CHD1: variants seen among roughly 807,000 people sequenced by gnomAD.
The protein encoded by CHD1 is ATP-dependent chromatin remodeler CHD1.
In CHD1, 36 loss-of-function variants were observed where a neutral mutation model predicts 224.2. That is an observed-to-expected ratio of 0.16 (90% CI 0.12 to 0.21). The LOEUF (loss-of-function observed/expected upper bound fraction) is 0.21. Among genes scored for constraint, CHD1 ranks in the 10% least tolerant of loss-of-function variants. The pLI is 1.00. For missense variants in CHD1, 1,378 were observed against 1,994.8 expected, an observed-to-expected ratio of 0.69 and a Z score of 5.89; for synonymous variants, 668 against 658.3, an observed-to-expected ratio of 1.01 and a Z score of -0.23.
At chr5:98,866,259 G>A (rs1438822155) in intron 31 of CHD1, among the ~76,000 whole-genome samples, 1 of 152,172 alleles carries the variant, frequency 6.6e-6, no homozygotes, top group Admixed American at 6.5e-5. Context: ...GAAGATAGGA[G>A]CTGCAGCAGC....
intron 15 of CHD1, 24 bp from the exon 16 acceptor site, chr5:98,889,262 C>A: frequency 2.7e-6 from 4 of 1,499,006 alleles, no homozygotes; most frequent in South Asian, 1.3e-5. Context: ...ATTATGAAAA[C>A]GATGTTTAGC....
At chr5:98,871,997 A>G (rs1749387239) in intron 28 of CHD1, 54 bp downstream of exon 28, 5 of 1,421,214 alleles carry the variant, frequency 3.5e-6, no homozygotes, top group Non-Finnish European at 4.7e-6. Flanking sequence ...AGCAAGAATT[A>G]GAATAAATTA....
In CHD1 at chr5:98,881,363, G is replaced by C; in HGVS notation, c.2880C>G (p.Phe960Leu). 2 of 1,483,066 alleles carry C rather than the reference G, an allele frequency of 1.3e-6. No individual in the cohort carries two copies. The highest frequency in any genetic ancestry group is 1.8e-6 in the Non-Finnish European group (2 of 1,110,280). 91.9% of individuals were successfully genotyped at this position (1,483,066 alleles called of 1,614,324 possible). ...TGSAPSSSTPFNKEELSAILK... is the reference protein window; with the variant it reads ...TGSAPSSSTPLNKEELSAILK... ...AAATGGCTGATAACTCTTCTTTATT[G>C]AAAGGAGTAGAACTAAAACAGGAAA... The change falls in exon 21 of 36, where the codon TTC becomes TTG. Residue 960 changes from phenylalanine (F) to leucine (L), a missense_variant. Physicochemically the swap from Phe to Leu is conservative, Grantham distance 22 (BLOSUM62 0). Around this residue, in one of 16 missense-constraint regions of CHD1, gnomAD observed 286 missense variants for 445.1 expected, o/e 0.64. Coordinates refer to ENST00000614616, the MANE Select transcript of CHD1 (RefSeq NM_001270.4).
chr5:98,899,743 T>C (rs1449434358), intron 7 of CHD1, 38 bp from the exon 8 acceptor site: 1 of 1,433,120 alleles, frequency 7.0e-7, no homozygotes, highest in Non-Finnish European at 9.7e-7. Flanking sequence ...ATGTAATTAA[T>C]TCTGTTGTAG....
intron 2 of CHD1, among the ~76,000 whole-genome samples, chr5:98,923,495 C>T (rs1432890085): frequency 1.1e-4 from 16 of 151,484 alleles, no homozygotes; most frequent in Admixed American, 9.2e-4. Flanking sequence ...CGGCTCACTG[C>T]AACCTCCGTC....
intron 5 of CHD1, among the ~76,000 whole-genome samples, chr5:98,901,692 C>T (rs1381162716): frequency 6.7e-6 from 1 of 150,324 alleles, no homozygotes; most frequent in African/African-American, 2.5e-5. Flanking sequence ...TTTTGAAAAA[C>T]ACCTGTTTAA....
At chr5:98,899,729 T>C (rs1438560523) in intron 7 of CHD1, 24 bp from the exon 8 acceptor site, 1 of 1,497,234 alleles carries the variant, frequency 6.7e-7, no homozygotes, top group Non-Finnish European at 9.2e-7. Context: ...CACAAGATCC[T>C]TCCATGTAAT....
At chr5:98,921,917 C>T (rs185191691) in intron 2 of CHD1, among the ~76,000 whole-genome samples, 19 of 152,188 alleles carry the variant, frequency 1.2e-4, no homozygotes, top group African/African-American at 2.9e-4. Flanking sequence ...TTTGGGAGGC[C>T]GAGGTGGGTG....
At chr5:98,858,832 T>C (rs1372526483) in intron 34 of CHD1, 132 bp downstream of exon 34, 2 of 512,472 alleles carry the variant, frequency 3.9e-6, no homozygotes, top group Non-Finnish European at 6.7e-6. Context: ...AGAATTACTG[T>C]ATCTCCTTAA....
In CHD1 at chr5:98,858,366, G is replaced by A. The variant is rs1252514958; in HGVS notation, c.4601C>T (p.Thr1534Ile). Residue 1534 changes from threonine to isoleucine, a missense_variant, in exon 35 of 36, where the codon ACA (threonine) becomes ATA (isoleucine). Thr to Ile is a moderately conservative substitution (Grantham distance 89, BLOSUM62 -1). Around this residue, in one of 16 missense-constraint regions of CHD1, gnomAD observed 278 missense variants for 298.5 expected, o/e 0.93. Coordinates refer to ENST00000614616, the MANE Select transcript of CHD1 (RefSeq NM_001270.4). ...GTCCCTGCTGCTATCATCGTGATTT[G>A]TATTCTCTTTTAATCTTTCCACATC... ...NPDVERLKEN[T>I]NHDDSSRDSY... is the part of the protein sequence containing the mutation. The A allele has an allele frequency of 6.2e-7, 1 of 1,612,310 alleles. No homozygotes were observed. The highest frequency in any genetic ancestry group is 2.2e-5 in the East Asian group (1 of 44,828).
intron 18 of CHD1, among the ~76,000 whole-genome samples, chr5:98,885,370 C>T (rs1002492593): frequency 9.2e-5 from 14 of 152,034 alleles, no homozygotes; most frequent in Non-Finnish European, 1.2e-4. Flanking sequence ...CCAGCCTGGG[C>T]CACAGAGTGA....
At chr5:98,857,620 T>C (rs1748136985) in intron 35 of CHD1, among the ~76,000 whole-genome samples, 1 of 152,094 alleles carries the variant, frequency 6.6e-6, no homozygotes, top group African/African-American at 2.4e-5. Flanking sequence ...TACTTCTTTA[T>C]CAATAAAGGA....
chr5:98,883,257 C>G lies in CHD1; in HGVS notation c.2569-20G>C. On this transcript the variant is annotated intron_variant, in intron 18 of 35. Transcript: ENST00000614616. Reference sequence around the variant, plus strand: ...AAAATCCTGTAAGAAATTGAATAATCAAAATGAAAAATTTTTCAATTGATT... The same window carrying G: ...AAAATCCTGTAAGAAATTGAATAATGAAAATGAAAAATTTTTCAATTGATT... 2.6e-6 allele frequency: 4 copies of G among 1,535,760 alleles called. No homozygotes were observed. Among genetic ancestry groups the G allele is most frequent in the South Asian group, 1.2e-5 (1 of 80,180 alleles).
chr5:98,907,343 C>T (rs1006212409), intron 2 of CHD1, among the ~76,000 whole-genome samples: 2 of 152,072 alleles, frequency 1.3e-5, no homozygotes, highest in Non-Finnish European at 2.9e-5. Flanking sequence ...AATCCCAGCA[C>T]TTTGGAAGGC....
At chr5:98,884,598 C>A (rs1301637204) in intron 18 of CHD1, among the ~76,000 whole-genome samples, 1 of 152,126 alleles carries the variant, frequency 6.6e-6, no homozygotes, top group Non-Finnish European at 1.5e-5. Context: ...ATCTCACAAA[C>A]CACCACTACA....
intron 6 of CHD1, 49 bp from the exon 7 acceptor site, chr5:98,901,131 C>T: frequency 1.9e-6 from 3 of 1,574,068 alleles, no homozygotes; most frequent in South Asian, 1.2e-5. Context: ...AAACTATATA[C>T]AAAAAGAACA....
chr5:98,911,146 A>AAAAAAAAAT (rs1491111295), intron 2 of CHD1, among the ~76,000 whole-genome samples: 3 of 39,146 alleles, frequency 7.7e-5, no homozygotes, highest in African/African-American at 1.2e-4. Flanking sequence ...AAAAAAAAAA[A>AAAAAAAAAT]ATATATATAT....
Position 98,897,347 on chromosome 5 carries a change from T to C in CHD1, c.1366-27A>G, listed in dbSNP as rs1561523682. The C allele has an allele frequency of 3.4e-6, 5 of 1,461,574 alleles. No homozygotes were observed. The Admixed American group carries it at 8.5e-5, about 25-fold the overall frequency. The allele number at this position is 1,461,574 out of a possible 1,614,324, so 90.5% of individuals were successfully genotyped here. A position where few individuals can be genotyped will look rare whatever the true frequency, so the allele number is the denominator to read the frequency against. ...TTTAGTAGAAATAAACATTATTATG[T>C]AGAGTTATTAAATATAAGAAATTAT... is the stretch of plus-strand genomic sequence containing the variant. On this transcript the variant is annotated intron_variant, in intron 10 of 35. Transcript: ENST00000614616.
chr5:98,897,303 T>G lies in CHD1; in HGVS notation c.1383A>C (p.Pro461=), dbSNP rs1206127504. 6.2e-7 allele frequency: 1 copy of G among 1,604,482 alleles called. No individual in the cohort carries two copies. Among genetic ancestry groups the G allele is most frequent in the Admixed American group, 1.7e-5 (1 of 59,218 alleles). The part of the protein sequence containing the change: ...FKDCKVLKQR[P]RFVALKKQPS... ...GCTGCTTCTTCAGGGCTACAAACCTTGGCCTTTGTTTTAATACCTTTAGTA... is the reference window on the plus strand; with the variant it reads ...GCTGCTTCTTCAGGGCTACAAACCTGGGCCTTTGTTTTAATACCTTTAGTA... The change falls in exon 11 of 36, where the codon CCA becomes CCC. Residue 461 remains proline (P), a synonymous_variant. Coordinates refer to ENST00000614616, the MANE Select transcript of CHD1 (RefSeq NM_001270.4).
Sources: gnomAD v4.1 joint callset for allele counts (sites outside exome capture counted in the v4.1 genomes callset) on GRCh38, gnomAD v4.1.1 for gene constraint, gnomAD v4.1.1 regional missense constraint, MANE v1.5 for transcripts, NCBI Gene and HGNC (gene_info 2026-07-23, HGNC 2026-07-21) for gene names.